The following DPH6 variants were observed in gnomAD, a reference collection of about 807,000 sequenced individuals.
DPH6 encodes diphthamine biosynthesis 6, also known as diphthine--ammonia ligase.
A neutral mutation model predicts 38.2 loss-of-function variants in DPH6; 33 were observed. The observed-to-expected ratio is 0.86, with a 90% CI of 0.65 to 1.15. DPH6 has a LOEUF of 1.15. Ranked by LOEUF, DPH6 falls within the 50% of genes most tolerant of loss-of-function variation. DPH6 has a pLI of 0.00. For missense variants in DPH6, 325 were observed against 320.0 expected (o/e 1.02, Z -0.12); for synonymous variants, 108 against 103.0 (o/e 1.05, Z -0.30).
rs1373671126 is a variant in DPH6, at chr15:35,239,944, G to A, written n.201-19362C>T. ...CTCTGTGCCCCAATCCCTTATTTCCGTGCCCTAACCCCTTCTCTGCTTTTC... is the reference window on the plus strand; with the variant it reads ...CTCTGTGCCCCAATCCCTTATTTCCATGCCCTAACCCCTTCTCTGCTTTTC... On this transcript the variant is annotated intron_variant and non_coding_transcript_variant, in intron 3 of 3. Transcript: ENST00000560386. Among the ~76,000 whole-genome samples the A allele has an allele frequency of 3.4e-4, 47 of 138,124 alleles. 3 individuals carry two copies. Among genetic ancestry groups the A allele is most frequent in the East Asian group, 7.0e-4 (3 of 4,284 alleles). 90.6% of individuals were successfully genotyped at this position (138,124 alleles called of 152,430 possible).
At chr15:35,459,871 T>C (rs1187315690) in intron 3 of DPH6, among the ~76,000 whole-genome samples, 1 of 152,228 alleles carries the variant, frequency 6.6e-6, no homozygotes, top group East Asian at 1.9e-4. Context: ...CTAAGATTTA[T>C]GTTAGGTACT....
intron 3 of DPH6, among the ~76,000 whole-genome samples, chr15:35,498,092 A>G (rs7176118): frequency 0.018 from 2,723 of 152,308 alleles, 80 homozygotes; most frequent in African/African-American, 0.061. Flanking sequence ...ATGCAAGTTC[A>G]TATTTTAATA....
intron 3 of DPH6, among the ~76,000 whole-genome samples, chr15:35,279,068 A>AAAAAAAAAAAAT (rs1555390826): frequency 9.7e-6 from 1 of 102,992 alleles, no homozygotes; most frequent in East Asian, 3.5e-4. Flanking sequence ...AAAAAAAAAA[A>AAAAAAAAAAAAT]ATATATATAT....
chr15:35,411,987 A>G (rs1888237301), intron 5 of DPH6, among the ~76,000 whole-genome samples: 1 of 151,776 alleles, frequency 6.6e-6, no homozygotes, highest in African/African-American at 2.4e-5. Flanking sequence ...ACGATCCATT[A>G]AGGAAACAAT....
intron 3 of DPH6, among the ~76,000 whole-genome samples, chr15:35,257,798 A>G (rs901014734): frequency 2.2e-5 from 1 of 45,070 alleles, no homozygotes; most frequent in East Asian, 9.7e-4. Flanking sequence ...GTGTGTGTGC[A>G]TTTTCTTACT....
intron 3 of DPH6, among the ~76,000 whole-genome samples, chr15:35,233,178 G>A (rs564122238): frequency 6.6e-5 from 10 of 152,054 alleles, no homozygotes; most frequent in Non-Finnish European, 1.0e-4. Context: ...GTGTGGTGGC[G>A]GGCACCTGTA....
the DPH6 span, among the ~76,000 whole-genome samples, chr15:35,167,027 C>A: frequency 6.6e-6 from 1 of 151,992 alleles, no homozygotes; most frequent in Non-Finnish European, 1.5e-5. Context: ...TCAATGGAAG[C>A]GAATTCTCTT....
At chr15:35,527,675 G>C (rs1357155803) in intron 3 of DPH6, among the ~76,000 whole-genome samples, 1 of 152,106 alleles carries the variant, frequency 6.6e-6, no homozygotes, top group Non-Finnish European at 1.5e-5. Flanking sequence ...AGTTATTTCT[G>C]ACTAAAACGC....
chr15:35,346,044 A>G (rs113134032), intron 3 of DPH6, among the ~76,000 whole-genome samples: 1,665 of 152,092 alleles, frequency 0.011, 18 homozygotes, highest in Non-Finnish European at 0.018. Flanking sequence ...GTGAAACGAA[A>G]GTGCATCTCC....
intron 3 of DPH6, among the ~76,000 whole-genome samples, chr15:35,456,613 G>A (rs1210590793): frequency 1.3e-5 from 2 of 151,664 alleles, no homozygotes; most frequent in Non-Finnish European, 2.9e-5. Flanking sequence ...TCAGCCTCCC[G>A]ACTAGCTGGG....
At chr15:35,473,550 C>A (rs1453124713) in intron 3 of DPH6, among the ~76,000 whole-genome samples, 2 of 152,018 alleles carry the variant, frequency 1.3e-5, no homozygotes, top group Non-Finnish European at 2.9e-5. Context: ...TTTCACAGAG[C>A]ATTAAGGAGA....
intron 3 of DPH6, among the ~76,000 whole-genome samples, chr15:35,349,599 A>C (rs567114168): frequency 6.6e-5 from 10 of 152,062 alleles, no homozygotes; most frequent in Admixed American, 5.2e-4. Context: ...ACACCTGGCT[A>C]ATTTTTGTTA....
chr15:35,251,490 G>T (rs188969015), intron 3 of DPH6, among the ~76,000 whole-genome samples: 1 of 152,012 alleles, frequency 6.6e-6, no homozygotes, highest in Non-Finnish European at 1.5e-5. Flanking sequence ...TTCTCTGCTC[G>T]CTTTGTGGTC....
intron 3 of DPH6, among the ~76,000 whole-genome samples, chr15:35,343,702 C>T (rs941527249): frequency 3.3e-5 from 5 of 151,908 alleles, no homozygotes; most frequent in Admixed American, 3.3e-4. Context: ...GCCTACTAAA[C>T]GTTGGATTTG....
chr15:35,235,123 C>T (rs551453756), intron 3 of DPH6, among the ~76,000 whole-genome samples: 6 of 152,294 alleles, frequency 3.9e-5, no homozygotes, highest in Middle Eastern at 3.4e-3. Flanking sequence ...TTACCATTTC[C>T]GGGCATTCAC....
chr15:35,268,746 GGA>G (rs1491484819), intron 3 of DPH6, among the ~76,000 whole-genome samples: 64 of 146,052 alleles, frequency 4.4e-4, no homozygotes, highest in African/African-American at 1.6e-3. Context: ...TATAAAAAAT[GGA>G]AAAAAAAAAA....
intron 3 of DPH6, among the ~76,000 whole-genome samples, chr15:35,320,586 C>CTT (rs2052231765): frequency 6.6e-6 from 1 of 152,156 alleles, no homozygotes; most frequent in Admixed American, 6.5e-5. Flanking sequence ...AGCTGGCTTC[C>CTT]CAGACACAGC....
chr15:35,473,796 TA>T (rs1369648685), intron 3 of DPH6, among the ~76,000 whole-genome samples: 3 of 151,996 alleles, frequency 2.0e-5, no homozygotes, highest in African/African-American at 7.2e-5. Flanking sequence ...AAATAAATAA[TA>T]TATACATATA....
At chr15:35,390,851 G>A (rs563829117) in intron 6 of DPH6, among the ~76,000 whole-genome samples, 11 of 152,020 alleles carry the variant, frequency 7.2e-5, no homozygotes, top group Non-Finnish European at 1.2e-4. Flanking sequence ...TCGTCAAAGT[G>A]ATTCTCCGTC....
Sources: allele counts gnomAD v4.1 joint callset (sites outside exome capture counted in the v4.1 genomes callset), GRCh38; gene constraint gnomAD v4.1.1; transcripts MANE v1.5; gene names NCBI Gene and HGNC (gene_info 2026-07-23, HGNC 2026-07-21).